The following TNR variants were observed in gnomAD, a reference collection of about 807,000 sequenced individuals.
TNR encodes the protein tenascin R.
TNR carries 45 observed loss-of-function variants against 150.4 expected under a neutral mutation model. That is an observed-to-expected ratio of 0.30 (90% CI 0.24 to 0.38). TNR has a LOEUF of 0.38. Among genes scored for constraint, TNR ranks in the 10% least tolerant of loss-of-function variants. TNR has a pLI of 1.00. For missense variants in TNR, 1,544 were observed against 1,759.1 expected (o/e 0.88, Z 2.19); for synonymous variants, 687 against 678.4 (o/e 1.01, Z -0.20).
At chr1:175,356,605 T>C in intron 15 of TNR, 143 bp from the exon 16 acceptor site, 3 of 983,994 alleles carry the variant, frequency 3.0e-6, no homozygotes, top group Non-Finnish European at 4.4e-6. Flanking sequence ...GCTTAGTATC[T>C]TACTCTTTGC....
At chr1:175,629,430 C>G (rs1374474729) in intron 1 of TNR, among the ~76,000 whole-genome samples, 6 of 152,142 alleles carry the variant, frequency 3.9e-5, no homozygotes, top group Non-Finnish European at 8.8e-5. Context: ...GGAGGGCAGG[C>G]CTGCAGAGAC....
chr1:175,515,285 G>T (rs1363150575), intron 2 of TNR, among the ~76,000 whole-genome samples: 1 of 152,162 alleles, frequency 6.6e-6, no homozygotes, highest in Non-Finnish European at 1.5e-5. Context: ...TTACTCTCAA[G>T]GAGATGTCAA....
At chr1:175,397,411 G>A (rs938976462) in intron 4 of TNR, among the ~76,000 whole-genome samples, 5 of 152,156 alleles carry the variant, frequency 3.3e-5, no homozygotes, top group Admixed American at 6.5e-5. Context: ...CCTTTAGGGA[G>A]CCAGGTTGTT....
At position 175,376,916 on chromosome 1, in the gene TNR, C is replaced by CA. The variant is rs1416342310; in HGVS notation, c.1963+2635dup. 3.4e-5 allele frequency among the ~76,000 whole-genome samples: 5 copies of CA among 148,176 alleles called. No individual in the cohort carries two copies. In the South Asian group the frequency reaches 6.4e-4, roughly 19 times the overall value. On this transcript the variant is annotated intron_variant, in intron 9 of 22. Coordinates refer to ENST00000367674, the MANE Select transcript of TNR (RefSeq NM_003285.3). ...TGAAATGTTTTAAATCTGACTGTAA[C>CA]AAAAAATCAACCTATTTAAGCCCCC...
chr1:175,520,016 G>A (rs780793911), intron 2 of TNR, among the ~76,000 whole-genome samples: 4 of 152,100 alleles, frequency 2.6e-5, no homozygotes, highest in Non-Finnish European at 4.4e-5. Context: ...TTTCCTGCAC[G>A]GATTTTCTTA....
chr1:175,370,717 G>A lies in TNR; in HGVS notation c.1964-3420C>T, dbSNP rs1652064560. 2.0e-5 allele frequency among the ~76,000 whole-genome samples: 3 copies of A among 152,114 alleles called. No individual in the cohort carries two copies. The South Asian group carries it at 6.2e-4, about 32-fold the overall frequency. ...AGGCAACTGATTAAGACCTTCAATTGCCTATAATGAAGTAGAAATTCTCCA... is the reference window on the plus strand; with the variant it reads ...AGGCAACTGATTAAGACCTTCAATTACCTATAATGAAGTAGAAATTCTCCA... On this transcript the variant is annotated intron_variant, in intron 9 of 22. Coordinates refer to ENST00000367674, the MANE Select transcript of TNR (RefSeq NM_003285.3).
At chr1:175,326,321 G>A (rs1649393395) in intron 21 of TNR, among the ~76,000 whole-genome samples, 1 of 152,168 alleles carries the variant, frequency 6.6e-6, no homozygotes, top group Admixed American at 6.5e-5. Context: ...GAGGTCTTGG[G>A]TGCTTTTGAG....
chr1:175,326,510 T>G (rs1442080718), intron 21 of TNR, among the ~76,000 whole-genome samples: 1 of 152,144 alleles, frequency 6.6e-6, no homozygotes, highest in Admixed American at 6.5e-5. Context: ...TGACATGATC[T>G]TCATTCCGTC....
intron 1 of TNR, among the ~76,000 whole-genome samples, chr1:175,721,046 C>G (rs914276843): frequency 6.6e-6 from 1 of 152,180 alleles, no homozygotes; most frequent in African/African-American, 2.4e-5. Context: ...GCATATTCAT[C>G]TTCATTGCTT....
intron 2 of TNR, among the ~76,000 whole-genome samples, chr1:175,408,365 C>T (rs747178841): frequency 6.6e-6 from 1 of 152,200 alleles, no homozygotes; most frequent in Admixed American, 6.5e-5. Context: ...TCTCCATTAT[C>T]CTCAAGTTAG....
rs544176245 is a variant in TNR at position 175,603,894 on chromosome 1, C to A, written c.-164-75525G>T. On this transcript the variant is annotated intron_variant, in intron 1 of 22. Coordinates refer to ENST00000367674, the MANE Select transcript of TNR (RefSeq NM_003285.3). ...GACTGCAGGCTCCTTCAGGAGACAG[C>A]CTGAGAAACGATTCCAGCTTGGTCA... Among the ~76,000 whole-genome samples the A allele has an allele frequency of 2.6e-5, 4 of 152,296 alleles. No homozygotes were observed. In the South Asian group the frequency reaches 6.2e-4, roughly 24 times the overall value.
chr1:175,597,604 G>T (rs1363805508), intron 1 of TNR, among the ~76,000 whole-genome samples: 1 of 152,140 alleles, frequency 6.6e-6, no homozygotes, highest in Admixed American at 6.5e-5. Context: ...TCAGACACTG[G>T]GGCTTGTCTA....
chr1:175,337,495 C>T (rs1331314243), intron 19 of TNR, 33 bp downstream of exon 19: 3 of 1,611,636 alleles, frequency 1.9e-6, no homozygotes, highest in East Asian at 2.2e-5. Flanking sequence ...ACTGAGGACG[C>T]TTCTGTGCAA....
At chr1:175,627,213 A>C (rs1296988005) in intron 1 of TNR, among the ~76,000 whole-genome samples, 2 of 152,244 alleles carry the variant, frequency 1.3e-5, no homozygotes, top group African/African-American at 4.8e-5. Context: ...AAGAGGACAA[A>C]GCAGAATCTC....
intron 1 of TNR, among the ~76,000 whole-genome samples, chr1:175,617,420 G>A (rs549792006): frequency 2.5e-4 from 38 of 152,308 alleles, no homozygotes; most frequent in African/African-American, 8.2e-4. Context: ...GGAGGTCTGG[G>A]AGCTAAGGTC....
At chr1:175,623,839 C>A (rs1300181702) in intron 1 of TNR, among the ~76,000 whole-genome samples, 1 of 152,230 alleles carries the variant, frequency 6.6e-6, no homozygotes, top group Non-Finnish European at 1.5e-5. Flanking sequence ...AGCCTGAGGC[C>A]ACTGAAGTGC....
intron 1 of TNR, among the ~76,000 whole-genome samples, chr1:175,579,193 CTTCCTTCCTTCCTTCT>C (rs1415596691): frequency 1.3e-5 from 2 of 151,156 alleles, no homozygotes; most frequent in Non-Finnish European, 2.9e-5. Context: ...TCCTTCCTTC[CTTCCTTCCTTCCTTCT>C]TTCCTTCCTT....
At chr1:175,608,635 G>C (rs1363787167) in intron 1 of TNR, among the ~76,000 whole-genome samples, 2 of 152,188 alleles carry the variant, frequency 1.3e-5, no homozygotes, top group East Asian at 3.9e-4. Context: ...AAGGGATTGA[G>C]ATATAGCATG....
chr1:175,539,798 C>A (rs1238882435), intron 1 of TNR, among the ~76,000 whole-genome samples: 1 of 152,252 alleles, frequency 6.6e-6, no homozygotes, highest in African/African-American at 2.4e-5. Context: ...AGGTTTATAC[C>A]TTTATGTTAT....
Sources: allele counts gnomAD v4.1 joint callset (sites outside exome capture counted in the v4.1 genomes callset), GRCh38; gene constraint gnomAD v4.1.1; transcripts MANE v1.5; gene names NCBI Gene and HGNC (gene_info 2026-07-23, HGNC 2026-07-21).